The following ANK3 variants were observed in gnomAD, a reference collection of about 807,000 sequenced individuals.
The protein encoded by ANK3 is ankyrin-3.
ANK3 carries 57 observed loss-of-function variants against 370.9 expected under a neutral mutation model. That is an observed-to-expected ratio of 0.15 (90% confidence interval 0.12 to 0.19). The LOEUF (loss-of-function observed/expected upper bound fraction) is 0.19, where lower values mean the gene tolerates loss of function less well. ANK3 is among the 10% of genes least tolerant of loss of function. The pLI is 1.00. For synonymous variants in ANK3, 1,929 were observed against 1,946.3 expected (o/e 0.99, Z 0.23); for missense variants, 4,439 against 5,302.1 (o/e 0.84, Z 5.06).
intron 1 of ANK3, among the ~76,000 whole-genome samples, chr10:60,692,619 G>T (rs180674729): frequency 1.3e-5 from 2 of 152,038 alleles, no homozygotes; most frequent in Non-Finnish European, 2.9e-5. Flanking sequence ...GTGGCCTCAG[G>T]GTATAACAAC....
intron 2 of ANK3, among the ~76,000 whole-genome samples, chr10:60,483,889 G>A (rs1209519882): frequency 6.6e-6 from 1 of 152,158 alleles, no homozygotes; most frequent in East Asian, 1.9e-4. Flanking sequence ...ATGACAGTCG[G>A]ACAGAACAAT....
At chr10:60,507,226 G>T (rs2075963590) in intron 2 of ANK3, among the ~76,000 whole-genome samples, 1 of 151,976 alleles carries the variant, frequency 6.6e-6, no homozygotes, top group Non-Finnish European at 1.5e-5. Flanking sequence ...TTGGTGCTTT[G>T]GTGGGGGGTA....
At chr10:60,459,760 T>C (rs1352346760) in intron 2 of ANK3, among the ~76,000 whole-genome samples, 1 of 152,074 alleles carries the variant, frequency 6.6e-6, no homozygotes, top group African/African-American at 2.4e-5. Flanking sequence ...TAGCCCTGAG[T>C]TCCTTCAATG....
intron 2 of ANK3, among the ~76,000 whole-genome samples, chr10:60,491,255 G>T (rs1182363613): frequency 6.6e-6 from 1 of 151,978 alleles, no homozygotes; most frequent in Non-Finnish European, 1.5e-5. Context: ...TAGTCTTTTT[G>T]TAGAATGACT....
chr10:60,660,049 T>C (rs1353431948), intron 1 of ANK3, among the ~76,000 whole-genome samples: 4 of 152,130 alleles, frequency 2.6e-5, no homozygotes, highest in Admixed American at 2.6e-4. Context: ...CAGGTAGGTA[T>C]ATATGAAGGT....
intron 1 of ANK3, among the ~76,000 whole-genome samples, chr10:60,627,834 A>C (rs1022131748): frequency 6.6e-6 from 1 of 152,098 alleles, no homozygotes; most frequent in Non-Finnish European, 1.5e-5. Context: ...TAATCCTCAA[A>C]ATAACGCCAT....
intron 1 of ANK3, among the ~76,000 whole-genome samples, chr10:60,724,340 C>T (rs2079912093): frequency 6.6e-6 from 1 of 151,522 alleles, no homozygotes; most frequent in African/African-American, 2.4e-5. Flanking sequence ...GTTTTTAGTC[C>T]CCTCTACTAC....
intron 1 of ANK3, among the ~76,000 whole-genome samples, chr10:60,350,345 TAAAC>T (rs1470546558): frequency 2.6e-5 from 4 of 152,240 alleles, no homozygotes; most frequent in East Asian, 3.9e-4. Flanking sequence ...TGAGACAGCT[TAAAC>T]AAACAGAGGA....
intron 43 of ANK3, 116 bp downstream of exon 43, chr10:60,042,556 A>T: frequency 3.8e-6 from 4 of 1,042,442 alleles, no homozygotes; most frequent in Non-Finnish European, 4.2e-6. Context: ...TTGATTTTCA[A>T]AGCTGAAATT....
At chr10:60,520,134 A>T (rs1319081945) in intron 2 of ANK3, among the ~76,000 whole-genome samples, 1 of 152,176 alleles carries the variant, frequency 6.6e-6, no homozygotes, top group Non-Finnish European at 1.5e-5. Context: ...CTTTGCAGCA[A>T]CATGGATGCA....
intron 2 of ANK3, among the ~76,000 whole-genome samples, chr10:60,522,227 T>C (rs933353387): frequency 2.6e-5 from 4 of 152,078 alleles, no homozygotes; most frequent in African/African-American, 9.7e-5. Flanking sequence ...CGCCTCCGTT[T>C]AGCCAGGTGT....
chr10:60,047,225 T>G (rs78467370), intron 42 of ANK3, among the ~76,000 whole-genome samples: 2,701 of 152,252 alleles, frequency 0.018, 40 homozygotes, highest in Non-Finnish European at 0.026. Context: ...CCCCAACCAT[T>G]ATAAAGGAAA....
chr10:60,534,554 G>T (rs1445099880), intron 2 of ANK3, among the ~76,000 whole-genome samples: 4 of 152,048 alleles, frequency 2.6e-5, no homozygotes, highest in Non-Finnish European at 5.9e-5. Context: ...TGGCACTCAA[G>T]AAAAATAATA....
At chr10:60,362,002 C>A (rs1488919408) in intron 1 of ANK3, among the ~76,000 whole-genome samples, 2 of 152,110 alleles carry the variant, frequency 1.3e-5, no homozygotes, top group African/African-American at 4.8e-5. Context: ...CATTATTTAA[C>A]ATTTTGGTGA....
chr10:60,313,228 C>G (rs1359594412), intron 1 of ANK3, among the ~76,000 whole-genome samples: 1 of 152,046 alleles, frequency 6.6e-6, no homozygotes, highest in Admixed American at 6.6e-5. Flanking sequence ...ACACCACTGT[C>G]GAAGAGATAT....
chr10:60,661,795 T>A (rs2078938821), intron 1 of ANK3, among the ~76,000 whole-genome samples: 1 of 152,134 alleles, frequency 6.6e-6, no homozygotes. Flanking sequence ...GGCCACCCAC[T>A]GGGAGGCCCT....
chr10:60,424,647 G>A (rs2063842679), intron 2 of ANK3, among the ~76,000 whole-genome samples: 1 of 152,020 alleles, frequency 6.6e-6, no homozygotes, highest in South Asian at 2.1e-4. Context: ...AGAATTGTGG[G>A]ATACATTGTA....
intron 8 of ANK3, among the ~76,000 whole-genome samples, chr10:60,214,396 T>C (rs1297491549): frequency 6.6e-6 from 1 of 152,122 alleles, no homozygotes; most frequent in Non-Finnish European, 1.5e-5. Flanking sequence ...GAAAAATTTC[T>C]GCTAAAAGAA....
At chr10:60,540,074 A>G (rs935704288) in intron 2 of ANK3, among the ~76,000 whole-genome samples, 1 of 151,836 alleles carries the variant, frequency 6.6e-6, no homozygotes, top group Non-Finnish European at 1.5e-5. Flanking sequence ...GAAGAAAATG[A>G]CAGGCTCCTT....
Sources: allele counts gnomAD v4.1 joint callset (sites outside exome capture counted in the v4.1 genomes callset), GRCh38; gene constraint gnomAD v4.1.1; transcripts MANE v1.5; gene names NCBI Gene and HGNC (gene_info 2026-07-23, HGNC 2026-07-21).